Variants in BIK observed in about 807,000 individuals in gnomAD.
The protein encoded by BIK is BCL2 interacting killer.
In BIK, 14 loss-of-function variants were observed where a neutral mutation model predicts 12.1. That is an observed-to-expected ratio of 1.16 (90% CI 0.77 to 1.81). BIK has a LOEUF of 1.81. Ranked by LOEUF, BIK falls within the 40% of genes most tolerant of loss-of-function variation. The probability of loss-of-function intolerance (pLI) is 0.00; values close to 1 mark genes in which losing one functional copy is unlikely to be tolerated. For synonymous variants in BIK, 86 were observed against 92.3 expected, an observed-to-expected ratio of 0.93 and a Z score of 0.39; for missense variants, 215 against 207.9, an observed-to-expected ratio of 1.03 and a Z score of -0.21.
rs1359508842 is a variant in BIK at position 43,124,012 on chromosome 22, C to T, written c.-7-4C>T. 2 of 1,612,994 alleles carry T rather than the reference C, an allele frequency of 1.2e-6. No homozygotes were observed. The highest frequency in any genetic ancestry group is 2.2e-5 in the South Asian group (2 of 90,982). On this transcript the variant is annotated splice_polypyrimidine_tract_variant and splice_region_variant and intron_variant, in intron 1 of 4. Coordinates refer to ENST00000216115, the MANE Select transcript of BIK (RefSeq NM_001197.5). ...TCCAGTCATATGCTGTCTTTTTGCCCCAGAGGAGAAATGTCTGAAGTAAGA... is the reference window on the plus strand; with the variant it reads ...TCCAGTCATATGCTGTCTTTTTGCCTCAGAGGAGAAATGTCTGAAGTAAGA...
intron 2 of BIK, among the ~76,000 whole-genome samples, chr22:43,126,666 C>G (rs1474209814): frequency 6.6e-6 from 1 of 152,114 alleles, no homozygotes; most frequent in Non-Finnish European, 1.5e-5. Flanking sequence ...CAGGGACCAG[C>G]TCCATGTTCC....
chr22:43,128,594 G>A lies in BIK; in HGVS notation c.359G>A (p.Arg120Lys), dbSNP rs563057679. 1 of 1,613,024 alleles carries A rather than the reference G, an allele frequency of 6.2e-7. No homozygotes were observed. Among genetic ancestry groups the A allele is most frequent in the Non-Finnish European group, 8.5e-7 (1 of 1,179,380 alleles). ...GFTTLKENIM[R>K]FWRSPNPGSW... is the part of the protein sequence containing the mutation. ...ACCACACTTAAGGAGAACATAATGA[G>A]GTTCTGGAGATCCCCGAACCCCGGG... The change falls in exon 4 of 5, where the codon AGG becomes AAG. Residue 120 changes from arginine (R) to lysine (K), a missense_variant. Physicochemically the swap from Arg to Lys is conservative, Grantham distance 26. Transcript: ENST00000216115.
intron 2 of BIK, among the ~76,000 whole-genome samples, chr22:43,126,797 G>A (rs1930324768): frequency 6.6e-6 from 1 of 152,136 alleles, no homozygotes; most frequent in Non-Finnish European, 1.5e-5. Flanking sequence ...GAAGCCTGGG[G>A]CAGTATTTTC....
At chr22:43,125,036 G>A (rs1002619576) in intron 2 of BIK, among the ~76,000 whole-genome samples, 2 of 152,168 alleles carry the variant, frequency 1.3e-5, no homozygotes, top group East Asian at 1.9e-4. Flanking sequence ...TCCCGGAACC[G>A]AGAATTCCTC....
chr22:43,120,851 G>A (rs750995929), intron 1 of BIK, among the ~76,000 whole-genome samples: 3 of 152,192 alleles, frequency 2.0e-5, no homozygotes, highest in African/African-American at 4.8e-5. Context: ...GATGGTTAAA[G>A]GTTCAGATTA....
chr22:43,126,756 C>T (rs1930323975), intron 2 of BIK, among the ~76,000 whole-genome samples: 1 of 152,114 alleles, frequency 6.6e-6, no homozygotes, highest in South Asian at 2.1e-4. Context: ...CTGGAGGCAC[C>T]TGTCCATTAA....
intron 2 of BIK, 69 bp downstream of exon 2, chr22:43,124,252 A>C (rs4988417): frequency 0.87 from 1,360,599 of 1,562,918 alleles, 593,190 homozygotes; most frequent in East Asian, 0.95. Context: ...ATGAGCAGAC[A>C]TTCTATGAGC....
At position 43,129,324 on chromosome 22, in the gene BIK, C is replaced by A; in HGVS notation, c.*19C>A. On this transcript the variant is annotated 3_prime_UTR_variant, in exon 5 of 5. Coordinates refer to ENST00000216115, the MANE Select transcript of BIK (RefSeq NM_001197.5). ...CAAGTGAGGCCCCGGCGGCTCAGGGCGGGGCTGGCCCCACCCCCATGACCA... is the reference window on the plus strand; with the variant it reads ...CAAGTGAGGCCCCGGCGGCTCAGGGAGGGGCTGGCCCCACCCCCATGACCA... The A allele has an allele frequency of 3.8e-6, 6 of 1,594,202 alleles. No individual in the cohort carries two copies. The highest frequency in any genetic ancestry group is 4.2e-6 in the Non-Finnish European group (5 of 1,177,246).
At chr22:43,117,023 C>T (rs1930128250) in intron 1 of BIK, among the ~76,000 whole-genome samples, 1 of 152,216 alleles carries the variant, frequency 6.6e-6, no homozygotes, top group South Asian at 2.1e-4. Flanking sequence ...TTGTCACTAG[C>T]CAGGTGACCC....
At chr22:43,116,629 T>C (rs1392096226) in intron 1 of BIK, among the ~76,000 whole-genome samples, 1 of 152,134 alleles carries the variant, frequency 6.6e-6, no homozygotes, top group Non-Finnish European at 1.5e-5. Context: ...CGGCTAATTT[T>C]TGTATTTTTA....
intron 1 of BIK, among the ~76,000 whole-genome samples, chr22:43,112,682 C>T (rs897561304): frequency 2.0e-4 from 30 of 147,434 alleles, no homozygotes; most frequent in African/African-American, 6.8e-4. Context: ...ATTGCTTGAG[C>T]TCAGGAGACT....
chr22:43,123,991 G>T, intron 1 of BIK, 25 bp from the exon 2 acceptor site: 1 of 1,612,918 alleles, frequency 6.2e-7, no homozygotes, highest in Non-Finnish European at 8.5e-7. Context: ...TAGGGGTCCA[G>T]TCATATGCTG....
At position 43,123,938 on chromosome 22, in the gene BIK, C is replaced by A. The variant is rs1369746990; in HGVS notation, c.-7-78C>A. On this transcript the variant is annotated intron_variant, in intron 1 of 4. Transcript: ENST00000216115. ...GAGCTGGTGAGTAGGGCTATACAATCTGGGGGTCATCCTGTGAGAGAGCCC... is the reference window on the plus strand; with the variant it reads ...GAGCTGGTGAGTAGGGCTATACAATATGGGGGTCATCCTGTGAGAGAGCCC... 6 of 1,492,908 alleles carry A rather than the reference C, an allele frequency of 4.0e-6. No individual in the cohort carries two copies. In the African/African-American group the frequency reaches 5.6e-5, roughly 14 times the overall value. 92.5% of individuals were successfully genotyped at this position (1,492,908 alleles called of 1,614,324 possible).
chr22:43,125,311 C>T (rs1010154768), intron 2 of BIK, among the ~76,000 whole-genome samples: 2 of 152,168 alleles, frequency 1.3e-5, no homozygotes, highest in Non-Finnish European at 1.5e-5. Context: ...TTCCTAGCCT[C>T]CTGGGAATGC....
At position 43,129,352 on chromosome 22, in the gene BIK, G is replaced by A; in HGVS notation, c.*47G>A. On this transcript the variant is annotated 3_prime_UTR_variant, in exon 5 of 5. Coordinates refer to ENST00000216115, the MANE Select transcript of BIK (RefSeq NM_001197.5). ...GGCTGGCCCCACCCCCATGACCACT[G>A]CCCTGGAGGTGGCGGCCTGCTGCTG... 1 of 1,562,224 alleles carries A rather than the reference G, an allele frequency of 6.4e-7. No individual in the cohort carries two copies. Among genetic ancestry groups the A allele is most frequent in the East Asian group, 2.3e-5 (1 of 44,306 alleles).
intron 1 of BIK, among the ~76,000 whole-genome samples, chr22:43,116,981 G>C (rs986288036): frequency 6.6e-6 from 1 of 152,146 alleles, no homozygotes; most frequent in African/African-American, 2.4e-5. Context: ...GGGGAATCTT[G>C]GGGGGAGCTG....
intron 1 of BIK, among the ~76,000 whole-genome samples, chr22:43,117,090 C>T (rs1404938962): frequency 1.3e-5 from 2 of 152,110 alleles, no homozygotes; most frequent in Non-Finnish European, 2.9e-5. Context: ...TTTCAGATGC[C>T]CCTTTTCCAT....
chr22:43,112,891 G>A (rs1930038154), intron 1 of BIK, among the ~76,000 whole-genome samples: 1 of 151,804 alleles, frequency 6.6e-6, no homozygotes, highest in Admixed American at 6.6e-5. Flanking sequence ...GGGAGACAGA[G>A]TGAGACCCTG....
chr22:43,116,384 T>G (rs576024139), intron 1 of BIK, among the ~76,000 whole-genome samples: 250 of 152,274 alleles, frequency 1.6e-3, no homozygotes, highest in Non-Finnish European at 2.8e-3. Context: ...CAAGTGATCC[T>G]TTCGCCTTGT....
Sources: allele counts gnomAD v4.1 joint callset (sites outside exome capture counted in the v4.1 genomes callset), GRCh38; gene constraint gnomAD v4.1.1; transcripts MANE v1.5; gene names NCBI Gene and HGNC (gene_info 2026-07-23, HGNC 2026-07-21).